ACSS3: variants seen among roughly 807,000 people sequenced by gnomAD.
ACSS3 encodes acyl-CoA synthetase short chain family member 3.
A neutral mutation model predicts 84.2 loss-of-function variants in ACSS3; 64 were observed. The observed-to-expected ratio is 0.76, with a 90% CI of 0.62 to 0.94. The LOEUF is 0.94. Among genes scored for constraint, ACSS3 ranks in the 40% least tolerant of loss-of-function variants. The pLI is 0.00. For missense variants in ACSS3, 815 were observed against 867.6 expected, an observed-to-expected ratio of 0.94 and a Z score of 0.76; for synonymous variants, 317 against 310.1, an observed-to-expected ratio of 1.02 and a Z score of -0.23.
At chr12:81,247,519 G>A (rs938080077) in intron 13 of ACSS3, among the ~76,000 whole-genome samples, 3 of 151,948 alleles carry the variant, frequency 2.0e-5, no homozygotes, top group African/African-American at 7.2e-5. Flanking sequence ...TTTGTCACTG[G>A]GTCTTGGAGT....
chr12:81,213,893 C>CTTA, intron 9 of ACSS3, among the ~76,000 whole-genome samples: 1 of 93,772 alleles, frequency 1.1e-5, no homozygotes, highest in Non-Finnish European at 2.3e-5. Flanking sequence ...TCCTTTCTTT[C>CTTA]TTTCTTTTGT....
intron 13 of ACSS3, 114 bp from the exon 14 acceptor site, chr12:81,253,192 TC>T: frequency 1.7e-6 from 2 of 1,160,022 alleles, no homozygotes; most frequent in Non-Finnish European, 2.5e-6. Flanking sequence ...TGCACTTTTT[TC>T]CCCAACTGAA....
intron 1 of ACSS3, among the ~76,000 whole-genome samples, chr12:81,101,174 G>C (rs984043996): frequency 2.6e-5 from 4 of 151,948 alleles, no homozygotes; most frequent in African/African-American, 9.7e-5. Flanking sequence ...TGGAAGAAAT[G>C]CTTCTTTTTA....
At chr12:81,114,019 C>T (rs1458902741) in intron 2 of ACSS3, among the ~76,000 whole-genome samples, 1 of 152,032 alleles carries the variant, frequency 6.6e-6, no homozygotes, top group African/African-American at 2.4e-5. Context: ...TCTTTATTTT[C>T]ACCATCACTA....
intron 9 of ACSS3, among the ~76,000 whole-genome samples, chr12:81,213,885 C>T (rs1252688261): frequency 2.7e-3 from 213 of 78,754 alleles, no homozygotes; most frequent in Non-Finnish European, 4.6e-3. Flanking sequence ...TCTTTCTTTC[C>T]TTTCTTTCTT....
Position 81,078,168 on chromosome 12 carries a change from G to A in ACSS3, c.48G>A (p.Gly16=), listed in dbSNP as rs1323665373. 3 of 1,520,888 alleles carry A rather than the reference G, an allele frequency of 2.0e-6. No individual in the cohort carries two copies. Among genetic ancestry groups the A allele is most frequent in the Non-Finnish European group, 2.6e-6 (3 of 1,139,232 alleles). 94.2% of individuals were successfully genotyped at this position (1,520,888 alleles called of 1,614,324 possible). ...GTCGTAAAGTCACCAGCGCCGGGGG[G>A]CTCGGAGGGCCCTTGCCTGGGTCCT... ...LQCRKVTSAG[G]LGGPLPGSSP... is the part of the protein sequence containing the mutation. Residue 16 remains glycine, a synonymous_variant, in exon 1 of 16, where the codon GGG becomes GGA. Coordinates refer to ENST00000548058, the MANE Select transcript of ACSS3 (RefSeq NM_024560.4).
chr12:81,104,859 T>C (rs1407726520), intron 1 of ACSS3: 1 of 151,992 alleles, frequency 6.6e-6, no homozygotes, highest in Non-Finnish European at 1.5e-5. Flanking sequence ...CAGATTATTA[T>C]TTTTGTTTAT....
chr12:81,126,347 T>C (rs568308527), intron 2 of ACSS3, among the ~76,000 whole-genome samples: 109 of 152,346 alleles, frequency 7.2e-4, no homozygotes, highest in African/African-American at 2.4e-3. Flanking sequence ...TTATTCTTTG[T>C]CTGTGTATTT....
chr12:81,080,089 A>T (rs1218498165), intron 1 of ACSS3, among the ~76,000 whole-genome samples: 1 of 152,172 alleles, frequency 6.6e-6, no homozygotes, highest in African/African-American at 2.4e-5. Context: ...GGCCATCTCC[A>T]TTATAAAACT....
At chr12:81,238,092 T>C (rs1028485996) in intron 13 of ACSS3, among the ~76,000 whole-genome samples, 2 of 151,786 alleles carry the variant, frequency 1.3e-5, no homozygotes, top group Non-Finnish European at 2.9e-5. Flanking sequence ...GTCAAATGTT[T>C]TACTTTTTCT....
intron 9 of ACSS3, among the ~76,000 whole-genome samples, chr12:81,207,104 A>G (rs1167046112): frequency 6.6e-6 from 1 of 152,138 alleles, no homozygotes; most frequent in African/African-American, 2.4e-5. Flanking sequence ...CCTTTGAAAT[A>G]TCTGTTCTAA....
chr12:81,213,940 TCTC>T (rs2032775265), intron 9 of ACSS3, among the ~76,000 whole-genome samples: 1 of 92,748 alleles, frequency 1.1e-5, no homozygotes, highest in African/African-American at 3.8e-5. Context: ...TTCCTTTCTC[TCTC>T]TCTCTCCCTC....
At chr12:81,173,805 T>A (rs7964878) in intron 7 of ACSS3, among the ~76,000 whole-genome samples, 69,934 of 151,904 alleles carry the variant, frequency 0.46, 16,607 homozygotes, top group Non-Finnish European at 0.52. Context: ...ACAGAGGTTT[T>A]GGAAATATTA....
intron 8 of ACSS3, among the ~76,000 whole-genome samples, chr12:81,183,661 G>A (rs2031081123): frequency 6.6e-6 from 1 of 152,026 alleles, no homozygotes; most frequent in Non-Finnish European, 1.5e-5. Context: ...ACTTACATCT[G>A]ATAAAATAGA....
chr12:81,169,889 C>A (rs1250104015), intron 7 of ACSS3, among the ~76,000 whole-genome samples: 1 of 152,008 alleles, frequency 6.6e-6, no homozygotes, highest in African/African-American at 2.4e-5. Flanking sequence ...TGCTACTAGT[C>A]GATAAAGGAT....
Position 81,098,151 on chromosome 12 carries a change from A to AGT in ACSS3, c.312-11381_312-11380dup, listed in dbSNP as rs1555243703. Among the ~76,000 whole-genome samples, 1,025 of 129,248 alleles carry AGT rather than the reference A, an allele frequency of 7.9e-3. 11 individuals carry two copies. The highest frequency in any genetic ancestry group is 0.027 in the African/African-American group (911 of 33,718). The allele number at this position is 129,248 out of a possible 152,430, so 84.8% of individuals were successfully genotyped here. A position where few individuals can be genotyped will look rare whatever the true frequency, so the allele number is the denominator to read the frequency against. Reference sequence around the variant, plus strand: ...GTATGAGAGAGAGAGAGAGAGAGAGAGTGTGTGTGTGTGTGTGTGTGTGTG... The same window carrying AGT: ...GTATGAGAGAGAGAGAGAGAGAGAGAGTGTGTGTGTGTGTGTGTGTGTGTGTG... On this transcript the variant is annotated intron_variant, in intron 1 of 15. Coordinates refer to ENST00000548058, the MANE Select transcript of ACSS3 (RefSeq NM_024560.4).
intron 5 of ACSS3, among the ~76,000 whole-genome samples, chr12:81,149,167 G>A (rs1281344960): frequency 6.6e-6 from 1 of 152,064 alleles, no homozygotes; most frequent in African/African-American, 2.4e-5. Context: ...TGTTTTAGGG[G>A]TAAGCACTGG....
At chr12:81,129,112 A>C (rs1885313464) in intron 2 of ACSS3, among the ~76,000 whole-genome samples, 1 of 152,136 alleles carries the variant, frequency 6.6e-6, no homozygotes, top group South Asian at 2.1e-4. Flanking sequence ...GCAAGGCCAA[A>C]TAGACTCCAT....
At chr12:81,120,969 G>A (rs1215661066) in intron 2 of ACSS3, among the ~76,000 whole-genome samples, 1 of 152,104 alleles carries the variant, frequency 6.6e-6, no homozygotes, top group Non-Finnish European at 1.5e-5. Flanking sequence ...TGTTTGTTTT[G>A]TTTATTAGTT....
Sources: gnomAD v4.1 joint callset for allele counts (sites outside exome capture counted in the v4.1 genomes callset) on GRCh38, gnomAD v4.1.1 for gene constraint, MANE v1.5 for transcripts, NCBI Gene and HGNC (gene_info 2026-07-23, HGNC 2026-07-21) for gene names.